LRMDA: variants seen among roughly 807,000 people sequenced by gnomAD.
LRMDA encodes leucine-rich melanocyte differentiation-associated protein.
Under a neutral mutation model 29.8 loss-of-function variants are expected in LRMDA, and 18 were observed. That is an observed-to-expected ratio of 0.60 (90% CI 0.42 to 0.90). LRMDA has a LOEUF of 0.90. Among genes scored for constraint, LRMDA ranks in the 40% least tolerant of loss-of-function variants. The pLI is 0.00. For synonymous variants in LRMDA, 125 were observed against 109.4 expected, an observed-to-expected ratio of 1.14 and a Z score of -0.89; for missense variants, 273 against 273.9, an observed-to-expected ratio of 1.00 and a Z score of 0.02.
intron 2 of LRMDA, among the ~76,000 whole-genome samples, chr10:75,485,975 A>T (rs574510282): frequency 6.6e-6 from 1 of 152,050 alleles, no homozygotes; most frequent in Non-Finnish European, 1.5e-5. Context: ...TGCTCACTTC[A>T]TTTAAGCATT....
At chr10:76,110,277 C>T (rs1165664463) in intron 5 of LRMDA, among the ~76,000 whole-genome samples, 2 of 152,194 alleles carry the variant, frequency 1.3e-5, no homozygotes, top group African/African-American at 4.8e-5. Context: ...CAAAGCCATC[C>T]ACTCTTGTTC....
intron 6 of LRMDA, among the ~76,000 whole-genome samples, chr10:76,414,677 T>A (rs950070042): frequency 3.3e-5 from 5 of 152,206 alleles, no homozygotes; most frequent in African/African-American, 1.2e-4. Context: ...TATTCCTCTG[T>A]GTTCTCCTCT....
At chr10:75,499,810 T>C (rs1025005615) in intron 2 of LRMDA, among the ~76,000 whole-genome samples, 1 of 152,066 alleles carries the variant, frequency 6.6e-6, no homozygotes, top group African/African-American at 2.4e-5. Flanking sequence ...CACTGCTTTC[T>C]CCCCTAAGGT....
At chr10:75,903,695 C>A (rs1382496286) in intron 2 of LRMDA, among the ~76,000 whole-genome samples, 2 of 152,230 alleles carry the variant, frequency 1.3e-5, no homozygotes, top group African/African-American at 4.8e-5. Flanking sequence ...CCTTTATCTG[C>A]TGCTGAAATG....
chr10:75,481,795 C>T (rs1310179771), intron 2 of LRMDA, among the ~76,000 whole-genome samples: 2 of 152,180 alleles, frequency 1.3e-5, no homozygotes, highest in African/African-American at 2.4e-5. Context: ...CCCAGCCACA[C>T]CATTCTTTCT....
At chr10:75,678,328 C>A (rs867088185) in intron 2 of LRMDA, among the ~76,000 whole-genome samples, 1 of 152,100 alleles carries the variant, frequency 6.6e-6, no homozygotes, top group Non-Finnish European at 1.5e-5. Context: ...AGACAAGAAC[C>A]GCTTATAAAA....
intron 5 of LRMDA, among the ~76,000 whole-genome samples, chr10:76,146,349 G>A (rs1850320539): frequency 1.3e-5 from 2 of 151,740 alleles, no homozygotes; most frequent in South Asian, 4.2e-4. Context: ...GGTCACTCAG[G>A]ACTTGCTATA....
At chr10:75,615,554 GA>G (rs1228765343) in intron 2 of LRMDA, among the ~76,000 whole-genome samples, 3 of 152,058 alleles carry the variant, frequency 2.0e-5, no homozygotes, top group Non-Finnish European at 4.4e-5. Context: ...CATTTAAAAG[GA>G]AAAAATCCTT....
intron 2 of LRMDA, among the ~76,000 whole-genome samples, chr10:75,582,095 G>A (rs888651062): frequency 9.9e-5 from 15 of 152,188 alleles, no homozygotes; most frequent in Non-Finnish European, 2.1e-4. Context: ...TTGAGTATCT[G>A]CAGCTTTTTC....
chr10:76,546,946 G>T (rs751345290), intron 6 of LRMDA, among the ~76,000 whole-genome samples: 1 of 152,074 alleles, frequency 6.6e-6, no homozygotes, highest in Non-Finnish European at 1.5e-5. Flanking sequence ...ACAGCAGCTG[G>T]AATTATTGTC....
At chr10:75,533,523 C>A (rs1455007513) in intron 2 of LRMDA, among the ~76,000 whole-genome samples, 1 of 152,124 alleles carries the variant, frequency 6.6e-6, no homozygotes, top group Non-Finnish European at 1.5e-5. Context: ...TCTGGGCATA[C>A]TCATATTTAT....
chr10:76,303,903 T>A (rs1840515864), intron 5 of LRMDA, among the ~76,000 whole-genome samples: 1 of 152,046 alleles, frequency 6.6e-6, no homozygotes, highest in African/African-American at 2.4e-5. Context: ...ATTTGCATCC[T>A]AAATAGGTTA....
intron 6 of LRMDA, among the ~76,000 whole-genome samples, chr10:76,551,240 C>A (rs1047256877): frequency 1.3e-5 from 2 of 151,128 alleles, no homozygotes; most frequent in African/African-American, 4.8e-5. Context: ...GATTTAGGAA[C>A]TGTGGCTGTT....
chr10:75,835,468 C>A (rs1348552158), intron 2 of LRMDA, among the ~76,000 whole-genome samples: 1 of 152,174 alleles, frequency 6.6e-6, no homozygotes, highest in African/African-American at 2.4e-5. Context: ...TTTGCAAAGT[C>A]CCTTTTTCCA....
At chr10:75,543,850 C>G (rs534767326) in intron 2 of LRMDA, among the ~76,000 whole-genome samples, 1 of 152,260 alleles carries the variant, frequency 6.6e-6, no homozygotes, top group South Asian at 2.1e-4. Flanking sequence ...TGACAGTAAG[C>G]TGAAATGTCC....
chr10:76,303,714 C>CTTTT (rs3066443), intron 5 of LRMDA, among the ~76,000 whole-genome samples: 2 of 142,136 alleles, frequency 1.4e-5, no homozygotes, highest in African/African-American at 5.2e-5. Context: ...GATTGCCACT[C>CTTTT]TTTTTTTTTT....
intron 2 of LRMDA, among the ~76,000 whole-genome samples, chr10:75,893,945 A>AG (rs1491478318): frequency 2.9e-5 from 4 of 140,042 alleles, no homozygotes; most frequent in Non-Finnish European, 6.3e-5. Flanking sequence ...AAAAAAAAAA[A>AG]CAAAAAAAAA....
intron 6 of LRMDA, among the ~76,000 whole-genome samples, chr10:76,416,209 G>C (rs1489068243): frequency 6.6e-6 from 1 of 152,200 alleles, no homozygotes; most frequent in Non-Finnish European, 1.5e-5. Context: ...GTTTCGGAAA[G>C]GAAAGATTTG....
chr10:75,665,104 A>C (rs1478304449), intron 2 of LRMDA, among the ~76,000 whole-genome samples: 1 of 152,176 alleles, frequency 6.6e-6, no homozygotes, highest in Non-Finnish European at 1.5e-5. Flanking sequence ...TAATTTTTGC[A>C]CTGGAGTTTG....
Sources: gnomAD v4.1 joint callset for allele counts (sites outside exome capture counted in the v4.1 genomes callset) on GRCh38, gnomAD v4.1.1 for gene constraint, MANE v1.5 for transcripts, NCBI Gene and HGNC (gene_info 2026-07-23, HGNC 2026-07-21) for gene names.